DYNC2H1: variants seen among roughly 807,000 people sequenced by gnomAD.
The protein encoded by DYNC2H1 is cytoplasmic dynein 2 heavy chain 1.
Under a neutral mutation model 570.0 loss-of-function variants are expected in DYNC2H1, and 410 were observed. That is an observed-to-expected ratio of 0.72 (90% CI 0.66 to 0.78). DYNC2H1 has a LOEUF of 0.78. Ranked by LOEUF, DYNC2H1 falls within the 30% of genes least tolerant of loss-of-function variation. The probability of loss-of-function intolerance (pLI) is 0.00; values close to 1 mark genes in which losing one functional copy is unlikely to be tolerated. For synonymous variants in DYNC2H1, 1,688 were observed against 1,677.6 expected (o/e 1.01, Z -0.15); for missense variants, 4,865 against 5,046.4 (o/e 0.96, Z 1.09).
At chr11:103,222,435 T>C (rs993787525) in intron 58 of DYNC2H1, among the ~76,000 whole-genome samples, 1 of 152,184 alleles carries the variant, frequency 6.6e-6, no homozygotes, top group Non-Finnish European at 1.5e-5. Flanking sequence ...CCTGGTATGC[T>C]TTTATTTTTT....
In DYNC2H1 at chr11:103,156,745, T is replaced by C. The variant is rs1203309615; in HGVS notation, c.4102T>C (p.Phe1368Leu). 6.2e-7 allele frequency: 1 copy of C among 1,610,610 alleles called. No individual in the cohort carries two copies. The highest frequency in any genetic ancestry group is 1.7e-5 in the Admixed American group (1 of 59,126). ...AGCATTGCCAAAAGAACAGACACGCTTCAACAGAGTTGATGAAGATTTTAG... is the reference window on the plus strand; with the variant it reads ...AGCATTGCCAAAAGAACAGACACGCCTCAACAGAGTTGATGAAGATTTTAG... ...RGALPKEQTR[F>L]NRVDEDFRSI... Residue 1368 changes from phenylalanine (F) to leucine (L), a missense_variant, in exon 26 of 89, where the codon TTC (phenylalanine) becomes CTC (leucine). This residue lies in a region of DYNC2H1 where 1,936 missense variants were observed against 1,962.1 expected (regional missense o/e 0.99). Coordinates refer to ENST00000375735, the MANE Select transcript of DYNC2H1 (RefSeq NM_001377.3).
At chr11:103,234,620 C>T (rs976909615) in intron 61 of DYNC2H1, among the ~76,000 whole-genome samples, 8 of 151,916 alleles carry the variant, frequency 5.3e-5, no homozygotes, top group African/African-American at 1.9e-4. Context: ...CTCATCTGCT[C>T]ATCCAGTAAT....
chr11:103,304,688 C>G lies in DYNC2H1; in HGVS notation c.11350C>G (p.Leu3784Val). 6.2e-7 allele frequency: 1 copy of G among 1,612,888 alleles called. No individual in the cohort carries two copies. The highest frequency in any genetic ancestry group is 8.5e-7 in the Non-Finnish European group (1 of 1,179,246). ...GDWLCLKNLH[L>V]VVSWLPVLEK... Reference sequence around the variant, plus strand: ...CTGGCTCTGTTTGAAGAACTTACATCTTGTGGTATCTTGGCTGCCAGTTCT... The same window carrying G: ...CTGGCTCTGTTTGAAGAACTTACATGTTGTGGTATCTTGGCTGCCAGTTCT... The change falls in exon 77 of 89, where the codon CTT (leucine) becomes GTT (valine). Residue 3784 changes from leucine (L) to valine (V), a missense_variant. By Grantham distance (32) the Leu-to-Val change is conservative. Coordinates refer to ENST00000375735, the MANE Select transcript of DYNC2H1 (RefSeq NM_001377.3).
In DYNC2H1 at chr11:103,156,409, G is replaced by C. The variant is rs757238368; in HGVS notation, c.3766G>C (p.Gly1256Arg). 8.1e-6 allele frequency: 13 copies of C among 1,613,298 alleles called. No homozygotes were observed. Among genetic ancestry groups the C allele is most frequent in the Non-Finnish European group, 1.1e-5 (13 of 1,179,648 alleles). ...ATAGGATTTAAATAGTCGGGCACAA[G>C]GTGAAGTTACAATCAGAGAAGCTTT... ...DLKDLNSRAQ[G>R]EVTIREALRE... The change falls in exon 26 of 89, where the codon GGT becomes CGT. Residue 1256 changes from glycine (G) to arginine (R), a missense_variant. Around this residue, in one of 5 missense-constraint regions of DYNC2H1, gnomAD observed 1,936 missense variants for 1,962.1 expected, o/e 0.99. Transcript: ENST00000375735.
intron 48 of DYNC2H1, among the ~76,000 whole-genome samples, chr11:103,198,601 A>G (rs1475512089): frequency 2.6e-5 from 4 of 152,194 alleles, no homozygotes; most frequent in African/African-American, 9.7e-5. Flanking sequence ...ATTAATATTT[A>G]TATTGAATGT....
intron 58 of DYNC2H1, 101 bp downstream of exon 58, chr11:103,222,254 A>T (rs1863617046): frequency 3.9e-6 from 3 of 768,706 alleles, no homozygotes; most frequent in Non-Finnish European, 5.7e-6. Context: ...TAGATCACCT[A>T]AAAATGAAAA....
At chr11:103,130,118 G>A (rs1433332946) in intron 13 of DYNC2H1, among the ~76,000 whole-genome samples, 2 of 152,158 alleles carry the variant, frequency 1.3e-5, no homozygotes, top group Admixed American at 6.5e-5. Context: ...ATTGTAACAC[G>A]TGAAATTTCG....
Position 103,245,171 on chromosome 11 carries a change from C to A in DYNC2H1, c.9919-80C>A. Reference sequence around the variant, plus strand: ...GTGTTTCTATAACATTTTGAAATTACTGTAGAAAATCAAAGAAAGGATGTT... The same window carrying A: ...GTGTTTCTATAACATTTTGAAATTAATGTAGAAAATCAAAGAAAGGATGTT... On this transcript the variant is annotated intron_variant, in intron 64 of 88. Transcript: ENST00000375735. The surrounding 1 kb of genome is among the most constrained non-coding windows in gnomAD (Gnocchi z 4.5). The A allele has an allele frequency of 8.4e-7, 1 of 1,196,352 alleles. No homozygotes were observed. The highest frequency in any genetic ancestry group is 1.1e-6 in the Non-Finnish European group (1 of 872,634). The allele number at this position is 1,196,352 out of a possible 1,614,324, so 74.1% of individuals were successfully genotyped here. A position where few individuals can be genotyped will look rare whatever the true frequency, so the allele number is the denominator to read the frequency against.
intron 57 of DYNC2H1, among the ~76,000 whole-genome samples, chr11:103,221,457 T>C (rs1863584656): frequency 6.6e-6 from 1 of 152,214 alleles, no homozygotes; most frequent in South Asian, 2.1e-4. Context: ...ACCTAATAGT[T>C]CACAAATAAG....
chr11:103,413,959 T>C (rs1185264270), intron 84 of DYNC2H1, among the ~76,000 whole-genome samples: 1 of 152,054 alleles, frequency 6.6e-6, no homozygotes, highest in African/African-American at 2.4e-5. Context: ...ATTTAGCAAA[T>C]AAAAACAGAA....
At chr11:103,345,483 A>G (rs190426155) in intron 82 of DYNC2H1, among the ~76,000 whole-genome samples, 11 of 152,290 alleles carry the variant, frequency 7.2e-5, no homozygotes, top group Admixed American at 2.0e-4. Context: ...AGTACTTGGT[A>G]TTTTGGGATG....
In DYNC2H1 at chr11:103,170,002, CTG is replaced by C; in HGVS notation, c.4969-104_4969-103del. ...ATTTTTCTGTGTTAAAAACTTTAAC[CTG>C]TTTGTTGCATTTTTATCTTTTTAAC... On this transcript the variant is annotated intron_variant, in intron 32 of 88. Transcript: ENST00000375735. This position sits in a 1 kb window ranked among gnomAD's most constrained non-coding sequence, Gnocchi z 4.8. The C allele has an allele frequency of 9.2e-7, 1 of 1,091,234 alleles. No individual in the cohort carries two copies. Among genetic ancestry groups the C allele is most frequent in the Non-Finnish European group, 1.2e-6 (1 of 809,830 alleles). The allele number at this position is 1,091,234 out of a possible 1,614,324, so 67.6% of individuals were successfully genotyped here.
Position 103,255,395 on chromosome 11 carries a change from T to A in DYNC2H1, c.10207-20T>A. 6.5e-7 allele frequency: 1 copy of A among 1,544,484 alleles called. No homozygotes were observed. The highest frequency in any genetic ancestry group is 8.7e-7 in the Non-Finnish European group (1 of 1,144,986). On this transcript the variant is annotated intron_variant, in intron 66 of 88. Transcript: ENST00000375735. ...TTAAGCCTTATTGCTAGAATTACCT[T>A]GTCTTTTTGTTATCCCAAGCTTTTA...
At position 103,163,078 on chromosome 11, in the gene DYNC2H1, G is replaced by C; in HGVS notation, c.4542G>C (p.Leu1514Phe). The C allele has an allele frequency of 6.2e-7, 1 of 1,613,218 alleles. No homozygotes were observed. ...ALEMKKTLEQ[L>F]LKECVTTGRS... ...AAATGAAGAAAACTTTGGAACAGTT[G>C]TTGAAGGAATGTGTTACTACTGGGC... The change falls in exon 30 of 89, where the codon TTG becomes TTC. Residue 1514 changes from leucine (L) to phenylalanine (F), a missense_variant. Leu to Phe is a conservative substitution (Grantham distance 22). Around this residue, in one of 5 missense-constraint regions of DYNC2H1, gnomAD observed 1,936 missense variants for 1,962.1 expected, o/e 0.99. Coordinates refer to ENST00000375735, the MANE Select transcript of DYNC2H1 (RefSeq NM_001377.3). The surrounding 1 kb of genome is among the most constrained non-coding windows in gnomAD (Gnocchi z 4.6).
intron 77 of DYNC2H1, among the ~76,000 whole-genome samples, chr11:103,307,047 A>C (rs1180473863): frequency 6.6e-6 from 1 of 152,168 alleles, no homozygotes; most frequent in African/African-American, 2.4e-5. Flanking sequence ...CATAATATTT[A>C]AATTGTATTT....
intron 50 of DYNC2H1, among the ~76,000 whole-genome samples, chr11:103,200,767 TCTC>T (rs1315963750): frequency 6.6e-6 from 1 of 152,184 alleles, no homozygotes; most frequent in African/African-American, 2.4e-5. Context: ...AAATGCACAT[TCTC>T]CTTCTTCAGT....
intron 83 of DYNC2H1, among the ~76,000 whole-genome samples, chr11:103,393,749 A>G (rs1942272208): frequency 6.6e-6 from 1 of 151,938 alleles, no homozygotes; most frequent in Non-Finnish European, 1.5e-5. Context: ...CAATTTATAA[A>G]AGAAAGAGGT....
At chr11:103,451,122 G>T (rs1944583075) in intron 85 of DYNC2H1, among the ~76,000 whole-genome samples, 1 of 151,914 alleles carries the variant, frequency 6.6e-6, no homozygotes, top group South Asian at 2.1e-4. Context: ...TATTGGCTGT[G>T]TAATTTTGTA....
intron 83 of DYNC2H1, among the ~76,000 whole-genome samples, chr11:103,389,695 T>C (rs1942050712): frequency 6.6e-6 from 1 of 151,706 alleles, no homozygotes; most frequent in Non-Finnish European, 1.5e-5. Context: ...TGGTATGTTG[T>C]GTCTTTGTTC....
Sources: gnomAD v4.1 joint callset for allele counts (sites outside exome capture counted in the v4.1 genomes callset) on GRCh38, gnomAD v4.1.1 for gene constraint, gnomAD v4.1.1 regional missense constraint, Gnocchi (gnomAD v3.1) non-coding constraint, MANE v1.5 for transcripts, NCBI Gene and HGNC (gene_info 2026-07-23, HGNC 2026-07-21) for gene names.